Variants in VEPH1 observed in about 807,000 individuals in gnomAD.
VEPH1 encodes ventricular zone expressed PH domain containing 1, also known as ventricular zone-expressed PH domain-containing protein homolog 1.
In VEPH1, 80 loss-of-function variants were observed where a neutral mutation model predicts 85.2. The observed-to-expected ratio is 0.94, with a 90% CI of 0.78 to 1.13. VEPH1 has a LOEUF of 1.13. Ranked by LOEUF, VEPH1 falls within the 50% of genes most tolerant of loss-of-function variation. The pLI, the probability that VEPH1 is intolerant of heterozygous loss-of-function variation, is 0.00. For missense variants in VEPH1, 955 were observed against 980.5 expected (o/e 0.97, Z 0.35); for synonymous variants, 297 against 348.0 (o/e 0.85, Z 1.63).
At chr3:157,403,268 TAAAAAC>T (rs1730904295) in intron 6 of VEPH1, among the ~76,000 whole-genome samples, 1 of 151,990 alleles carries the variant, frequency 6.6e-6, no homozygotes, top group African/African-American at 2.4e-5. Flanking sequence ...CATTAAAAAA[TAAAAAC>T]AAGAACTTAA....
Position 157,478,521 on chromosome 3 carries a change from A to G in VEPH1, c.139-7992T>C, listed in dbSNP as rs1272182092. Reference sequence around the variant, plus strand: ...TGTCTGAATGAAACAAGCCTCAATAAAAGTGGAAGGTGCAACTCAATGAAA... The same window carrying G: ...TGTCTGAATGAAACAAGCCTCAATAGAAGTGGAAGGTGCAACTCAATGAAA... On this transcript the variant is annotated intron_variant, in intron 2 of 13. Transcript: ENST00000362010. Among the ~76,000 whole-genome samples the G allele has an allele frequency of 2.0e-5, 3 of 152,186 alleles. No homozygotes were observed. In the East Asian group the frequency reaches 5.8e-4, roughly 29 times the overall value.
intron 9 of VEPH1, among the ~76,000 whole-genome samples, chr3:157,354,070 G>C (rs374380626): frequency 7.9e-5 from 12 of 152,222 alleles, no homozygotes; most frequent in African/African-American, 2.2e-4. Context: ...GTAAACTATG[G>C]ACTCTAGATG....
chr3:157,493,359 G>C (rs1461259912), intron 2 of VEPH1: 5 of 441,446 alleles, frequency 1.1e-5, no homozygotes, highest in African/African-American at 6.1e-5. Context: ...GGCCTAGAGA[G>C]GAATAGCTGG....
chr3:157,329,253 A>C (rs1027070817), intron 9 of VEPH1, among the ~76,000 whole-genome samples: 1 of 152,178 alleles, frequency 6.6e-6, no homozygotes, highest in African/African-American at 2.4e-5. Flanking sequence ...TCCATGCCCA[A>C]ACCTCTCTTG....
chr3:157,443,998 G>A (rs954086106), intron 4 of VEPH1, among the ~76,000 whole-genome samples: 23 of 152,120 alleles, frequency 1.5e-4, no homozygotes, highest in Non-Finnish European at 3.2e-4. Flanking sequence ...ATGTTATTTG[G>A]GAGACCTAAG....
intron 2 of VEPH1, among the ~76,000 whole-genome samples, chr3:157,493,838 G>C (rs141488033): frequency 2.0e-5 from 3 of 152,324 alleles, no homozygotes; most frequent in African/African-American, 7.2e-5. Context: ...TCTAGTGGAA[G>C]TAGGCTTTAG....
chr3:157,403,159 G>C (rs1377868720), intron 6 of VEPH1, among the ~76,000 whole-genome samples: 1 of 151,894 alleles, frequency 6.6e-6, no homozygotes, highest in Non-Finnish European at 1.5e-5. Context: ...ATTGTTACAC[G>C]ATTTTACATC....
At position 157,267,252 on chromosome 3, in the gene VEPH1, C is replaced by T. The variant is rs147682165; in HGVS notation, c.2129-1590G>A. On this transcript the variant is annotated intron_variant, in intron 12 of 13. Coordinates refer to ENST00000362010, the MANE Select transcript of VEPH1 (RefSeq NM_001167912.2). ...CTGAGACTACAGGTATTCGCCACCA[C>T]GCTCGGCTAAATTTTTGTATTTTTA... Among the ~76,000 whole-genome samples the T allele has an allele frequency of 4.9e-3, 746 of 151,528 alleles. 2 individuals are homozygous for T. Among genetic ancestry groups the T allele is most frequent in the South Asian group, 0.015 (72 of 4,800 alleles).
At chr3:157,413,236 A>C (rs1304634732) in intron 6 of VEPH1, among the ~76,000 whole-genome samples, 1 of 152,144 alleles carries the variant, frequency 6.6e-6, no homozygotes, top group African/African-American at 2.4e-5. Flanking sequence ...AAACTTTCTT[A>C]ATCCCCATAA....
intron 11 of VEPH1, among the ~76,000 whole-genome samples, chr3:157,312,820 T>G (rs1720246683): frequency 6.6e-6 from 1 of 152,018 alleles, no homozygotes; most frequent in South Asian, 2.1e-4. Context: ...TTTTTATAGT[T>G]CTGGAGCTAG....
At chr3:157,408,090 C>G (rs1405660651) in intron 6 of VEPH1, among the ~76,000 whole-genome samples, 1 of 152,132 alleles carries the variant, frequency 6.6e-6, no homozygotes. Flanking sequence ...GTGATCACTG[C>G]TCAGTCTACA....
At chr3:157,306,116 A>G (rs1322565122) in intron 11 of VEPH1, among the ~76,000 whole-genome samples, 1 of 152,196 alleles carries the variant, frequency 6.6e-6, no homozygotes, top group East Asian at 1.9e-4. Context: ...AAGACACTTT[A>G]ACAAATACCC....
At chr3:157,432,162 A>G (rs1266999870) in intron 4 of VEPH1, among the ~76,000 whole-genome samples, 1 of 152,030 alleles carries the variant, frequency 6.6e-6, no homozygotes, top group Non-Finnish European at 1.5e-5. Flanking sequence ...TCATATATTT[A>G]TAGGTGATTT....
intron 3 of VEPH1, among the ~76,000 whole-genome samples, chr3:157,468,459 C>T (rs1370397584): frequency 1.3e-5 from 2 of 152,190 alleles, no homozygotes; most frequent in South Asian, 4.1e-4. Context: ...CCTGTAGTCT[C>T]AGCTACTCAG....
chr3:157,367,921 C>T (rs565638492), intron 7 of VEPH1, among the ~76,000 whole-genome samples: 1 of 152,238 alleles, frequency 6.6e-6, no homozygotes, highest in Non-Finnish European at 1.5e-5. Context: ...TTACAATAAT[C>T]ACATTTTCTT....
chr3:157,335,253 C>G (rs945294888), intron 9 of VEPH1, among the ~76,000 whole-genome samples: 1 of 147,084 alleles, frequency 6.8e-6, no homozygotes, highest in African/African-American at 2.6e-5. Context: ...AAAAAAAATG[C>G]TGGGTGTAGT....
intron 9 of VEPH1, among the ~76,000 whole-genome samples, chr3:157,318,411 C>G (rs1720979561): frequency 6.6e-6 from 1 of 151,952 alleles, no homozygotes; most frequent in Admixed American, 6.6e-5. Context: ...GGTTTGAAAC[C>G]AGCCCGGACA....
intron 9 of VEPH1, among the ~76,000 whole-genome samples, chr3:157,334,253 G>T (rs1179895784): frequency 6.6e-6 from 1 of 152,100 alleles, no homozygotes; most frequent in East Asian, 1.9e-4. Flanking sequence ...TGCTAAATGA[G>T]GTGTTACTGA....
intron 4 of VEPH1, among the ~76,000 whole-genome samples, chr3:157,455,476 G>A (rs1470013074): frequency 6.6e-6 from 1 of 151,444 alleles, no homozygotes; most frequent in Admixed American, 6.6e-5. Context: ...TTTTATATAG[G>A]TAAACTTGTG....
Sources: gnomAD v4.1 joint callset for allele counts (sites outside exome capture counted in the v4.1 genomes callset) on GRCh38, gnomAD v4.1.1 for gene constraint, MANE v1.5 for transcripts, NCBI Gene and HGNC (gene_info 2026-07-23, HGNC 2026-07-21) for gene names.